The following PTPRR variants were observed in gnomAD, a reference collection of about 807,000 sequenced individuals.
The protein encoded by PTPRR is receptor-type tyrosine-protein phosphatase R.
A neutral mutation model predicts 77.2 loss-of-function variants in PTPRR; 38 were observed. The observed-to-expected ratio is 0.49, with a 90% CI of 0.38 to 0.65. PTPRR has a LOEUF of 0.65. Among genes scored for constraint, PTPRR ranks in the 30% least tolerant of loss-of-function variants. The probability of loss-of-function intolerance (pLI) is 0.00; values close to 1 mark genes in which losing one functional copy is unlikely to be tolerated. For synonymous variants in PTPRR, 299 were observed against 283.1 expected (o/e 1.06, Z -0.57); for missense variants, 744 against 799.2 (o/e 0.93, Z 0.83).
chr12:70,804,362 C>T (rs780774304), intron 2 of PTPRR, among the ~76,000 whole-genome samples: 1 of 151,948 alleles, frequency 6.6e-6, no homozygotes, highest in Non-Finnish European at 1.5e-5. Flanking sequence ...TTGAGACCAG[C>T]CTTGGCAACA....
intron 6 of PTPRR, among the ~76,000 whole-genome samples, chr12:70,744,672 G>T (rs1890155529): frequency 6.6e-6 from 1 of 152,166 alleles, no homozygotes; most frequent in Non-Finnish European, 1.5e-5. Flanking sequence ...GCATTGTGAT[G>T]TATCATGGGA....
intron 5 of PTPRR, among the ~76,000 whole-genome samples, chr12:70,747,411 T>C (rs1044142756): frequency 6.6e-5 from 10 of 152,218 alleles, no homozygotes; most frequent in Non-Finnish European, 1.3e-4. Context: ...ATAAGGCATA[T>C]ATTATATATT....
chr12:70,658,819 T>G (rs755476192), intron 12 of PTPRR, among the ~76,000 whole-genome samples: 22 of 149,962 alleles, frequency 1.5e-4, no homozygotes, highest in Non-Finnish European at 3.3e-4. Context: ...GTCCAAATAA[T>G]TTCAAGGAGT....
intron 8 of PTPRR, among the ~76,000 whole-genome samples, chr12:70,685,732 AAAC>A (rs1370478405): frequency 3.3e-5 from 5 of 152,314 alleles, no homozygotes; most frequent in Non-Finnish European, 2.9e-5. Flanking sequence ...ATAAAATAAC[AAAC>A]AACATACATT....
intron 6 of PTPRR, among the ~76,000 whole-genome samples, chr12:70,720,551 G>A (rs950255859): frequency 5.6e-5 from 8 of 142,136 alleles, no homozygotes; most frequent in African/African-American, 1.8e-4. Context: ...TTGCTCTGTC[G>A]CCCAGGCTGG....
intron 1 of PTPRR, among the ~76,000 whole-genome samples, chr12:70,896,016 A>G (rs906589456): frequency 1.3e-5 from 2 of 151,640 alleles, no homozygotes; most frequent in African/African-American, 4.8e-5. Flanking sequence ...ATATAATGAT[A>G]TGGACACATT....
At chr12:70,667,927 G>A (rs1887070315) in intron 10 of PTPRR, among the ~76,000 whole-genome samples, 1 of 152,000 alleles carries the variant, frequency 6.6e-6, no homozygotes, top group Non-Finnish European at 1.5e-5. Flanking sequence ...CTACTCCACA[G>A]TGATCTGCAA....
intron 6 of PTPRR, among the ~76,000 whole-genome samples, chr12:70,718,500 C>G (rs966780621): frequency 1.3e-5 from 2 of 152,032 alleles, no homozygotes; most frequent in African/African-American, 4.8e-5. Context: ...CTCCTGACCT[C>G]GTGATCCGCC....
chr12:70,644,699 T>A (rs1165455717), intron 13 of PTPRR, among the ~76,000 whole-genome samples: 1 of 152,222 alleles, frequency 6.6e-6, no homozygotes, highest in African/African-American at 2.4e-5. Context: ...TTTGGTACCA[T>A]CTGGTCAAAT....
chr12:70,669,081 A>G (rs1031183079), intron 10 of PTPRR, among the ~76,000 whole-genome samples: 5 of 152,210 alleles, frequency 3.3e-5, no homozygotes, highest in African/African-American at 1.2e-4. Context: ...ATTATTAATG[A>G]CATGGAGAAT....
chr12:70,846,298 G>A (rs1892482087), intron 2 of PTPRR, among the ~76,000 whole-genome samples: 1 of 152,140 alleles, frequency 6.6e-6, no homozygotes, highest in African/African-American at 2.4e-5. Context: ...AAACTCATAG[G>A]AAGCTTTTTA....
intron 2 of PTPRR, among the ~76,000 whole-genome samples, chr12:70,865,870 C>T (rs373531731): frequency 6.6e-6 from 1 of 152,032 alleles, no homozygotes; most frequent in African/African-American, 2.4e-5. Context: ...AAGAGAGAAG[C>T]CATGACGCAA....
At chr12:70,913,579 G>A (rs2137138934) in intron 1 of PTPRR, among the ~76,000 whole-genome samples, 1 of 152,180 alleles carries the variant, frequency 6.6e-6, no homozygotes, top group East Asian at 1.9e-4. Flanking sequence ...AGTAGTACTG[G>A]AAAATCATGC....
chr12:70,640,974 C>T (rs1885975722), intron 13 of PTPRR, among the ~76,000 whole-genome samples: 1 of 152,206 alleles, frequency 6.6e-6, no homozygotes, highest in Admixed American at 6.5e-5. Flanking sequence ...TAGAGCTGTA[C>T]ATTTTGTTGC....
rs189144476 is a variant in PTPRR at position 70,686,185 on chromosome 12, T to A, written c.1280-1402A>T. Reference sequence around the variant, plus strand: ...TTCCCATATTTTTTTAGTAACACACTATCATTGAACATCTTCTGGGTAAAC... The same window carrying A: ...TTCCCATATTTTTTTAGTAACACACAATCATTGAACATCTTCTGGGTAAAC... On this transcript the variant is annotated intron_variant, in intron 8 of 13. Coordinates refer to ENST00000283228, the MANE Select transcript of PTPRR (RefSeq NM_002849.4). Among the ~76,000 whole-genome samples the A allele has an allele frequency of 1.2e-4, 19 of 152,288 alleles. 1 individual carries two copies. The highest frequency in any genetic ancestry group is 1.2e-3 in the Admixed American group (18 of 15,302).
intron 2 of PTPRR, among the ~76,000 whole-genome samples, chr12:70,839,971 T>C (rs1892368472): frequency 6.6e-6 from 1 of 152,208 alleles, no homozygotes; most frequent in Non-Finnish European, 1.5e-5. Context: ...TTTCAAAACA[T>C]GAATTAAGTA....
intron 13 of PTPRR, among the ~76,000 whole-genome samples, chr12:70,649,495 A>T (rs1886317133): frequency 6.6e-6 from 1 of 152,214 alleles, no homozygotes; most frequent in African/African-American, 2.4e-5. Context: ...AATACAAAAT[A>T]TCAGCCTTCT....
intron 5 of PTPRR, among the ~76,000 whole-genome samples, chr12:70,748,516 T>C (rs1890284187): frequency 6.6e-6 from 1 of 152,116 alleles, no homozygotes; most frequent in South Asian, 2.1e-4. Flanking sequence ...ACTCTTGGAC[T>C]GGAATAAAGT....
At chr12:70,839,078 TTTTC>T (rs1892351625) in intron 2 of PTPRR, among the ~76,000 whole-genome samples, 1 of 152,136 alleles carries the variant, frequency 6.6e-6, no homozygotes, top group African/African-American at 2.4e-5. Context: ...TGTCCACTTC[TTTTC>T]TTTATCTATA....
Sources: gnomAD v4.1 joint callset for allele counts (sites outside exome capture counted in the v4.1 genomes callset) on GRCh38, gnomAD v4.1.1 for gene constraint, MANE v1.5 for transcripts, NCBI Gene and HGNC (gene_info 2026-07-23, HGNC 2026-07-21) for gene names.